The following TMEM238L variants were observed in gnomAD, a reference collection of about 807,000 sequenced individuals.
TMEM238L encodes the protein transmembrane protein 238-like.
At chr17:10,798,721 G>T (rs1904637331) in intron 1 of TMEM238L, among the ~76,000 whole-genome samples, 1 of 151,872 alleles carries the variant, frequency 6.6e-6, no homozygotes, top group Non-Finnish European at 1.5e-5. Flanking sequence ...TGAGTGTGTG[G>T]GGGGCGTGTT....
rs75539051 is a variant in TMEM238L, at chr17:10,800,654, G to C, written c.*118+2952C>G. ...AACAAATATTAATCCACCTAATCTG[G>C]GCAACATCTTTATGACGTAGTGGCT... is the stretch of plus-strand genomic sequence containing the variant. On this transcript the variant is annotated intron_variant, in intron 1 of 1. Coordinates refer to ENST00000581851, the Ensembl canonical transcript of TMEM238L. Among the ~76,000 whole-genome samples, 1,026 of 152,162 alleles carry C rather than the reference G, an allele frequency of 6.7e-3. 15 individuals are homozygous for C. Among genetic ancestry groups the C allele is most frequent in the African/African-American group, 0.023 (969 of 41,508 alleles).
chr17:10,802,592 CA>C (rs1904779551), intron 1 of TMEM238L: 1 of 152,680 alleles, frequency 6.5e-6, no homozygotes, highest in South Asian at 2.1e-4. Context: ...TAATCCCCCA[CA>C]AAAGACACAA....
chr17:10,801,418 G>C (rs1198142824), intron 1 of TMEM238L, among the ~76,000 whole-genome samples: 1 of 152,120 alleles, frequency 6.6e-6, no homozygotes, highest in Non-Finnish European at 1.5e-5. Flanking sequence ...TCTGGCCTCT[G>C]TCTACCACAG....
chr17:10,796,081 C>T (rs1904531799), intron 1 of TMEM238L, 133 bp from the exon 2 acceptor site: 1 of 152,222 alleles, frequency 6.6e-6, no homozygotes, highest in African/African-American at 2.4e-5. Flanking sequence ...GCAGCCTCTC[C>T]ATGGCACTGT....
chr17:10,803,418 G>A (rs1904806695), intron 1 of TMEM238L, among the ~76,000 whole-genome samples, 188 bp downstream of exon 1: 1 of 152,196 alleles, frequency 6.6e-6, no homozygotes, highest in South Asian at 2.1e-4. Context: ...AGGGCCCGGA[G>A]GAGAAAACAC....
intron 1 of TMEM238L, among the ~76,000 whole-genome samples, chr17:10,797,340 C>T (rs556392208): frequency 4.6e-4 from 69 of 151,378 alleles, no homozygotes; most frequent in African/African-American, 1.6e-3. Context: ...TTCTTTTCTC[C>T]TTTCTTCCTC....
At chr17:10,800,480 A>G (rs901689239) in intron 1 of TMEM238L, among the ~76,000 whole-genome samples, 1 of 152,256 alleles carries the variant, frequency 6.6e-6, no homozygotes, top group Admixed American at 6.5e-5. Flanking sequence ...ATTCTGGAGC[A>G]GCATTCAGTC....
intron 1 of TMEM238L, among the ~76,000 whole-genome samples, chr17:10,801,888 C>T (rs1224091464): frequency 1.3e-5 from 2 of 152,162 alleles, no homozygotes; most frequent in East Asian, 3.9e-4. Context: ...CTCCAGCAAT[C>T]CTTCTGCCTC....
At chr17:10,799,198 T>A (rs1048399852) in intron 1 of TMEM238L, among the ~76,000 whole-genome samples, 9 of 152,174 alleles carry the variant, frequency 5.9e-5, no homozygotes, top group African/African-American at 2.2e-4. Context: ...ACTCATTTTT[T>A]AATTTTTTAT....
At chr17:10,798,844 C>A (rs1904641512) in intron 1 of TMEM238L, among the ~76,000 whole-genome samples, 1 of 151,632 alleles carries the variant, frequency 6.6e-6, no homozygotes, top group Admixed American at 6.6e-5. Context: ...TAAAAAAGGA[C>A]AAGAGTCTTC....
At chr17:10,796,764 TC>T (rs1322523678) in intron 1 of TMEM238L, among the ~76,000 whole-genome samples, 2 of 152,188 alleles carry the variant, frequency 1.3e-5, no homozygotes, top group Non-Finnish European at 2.9e-5. Flanking sequence ...ACTGGGAACT[TC>T]CATTTGGGCT....
At chr17:10,802,079 G>C (rs1904763321) in intron 1 of TMEM238L, among the ~76,000 whole-genome samples, 1 of 152,108 alleles carries the variant, frequency 6.6e-6, no homozygotes, top group Non-Finnish European at 1.5e-5. Flanking sequence ...CACTGTGCCT[G>C]GTCCATGTGT....
intron 1 of TMEM238L, chr17:10,797,700 AC>A (rs1207198601): frequency 1.3e-5 from 2 of 151,872 alleles, no homozygotes; most frequent in African/African-American, 4.8e-5. Context: ...TGACAATGCC[AC>A]CCCCGATCTG....
intron 1 of TMEM238L, among the ~76,000 whole-genome samples, chr17:10,802,709 C>G (rs1485404650): frequency 6.6e-6 from 1 of 152,144 alleles, no homozygotes; most frequent in Non-Finnish European, 1.5e-5. Context: ...TTGGGCCCAC[C>G]TGGGGAGGAG....
chr17:10,803,449 T>C (rs772276687), intron 1 of TMEM238L, among the ~76,000 whole-genome samples, 157 bp downstream of exon 1: 2 of 152,164 alleles, frequency 1.3e-5, no homozygotes, highest in Non-Finnish European at 2.9e-5. Context: ...TCCTCTTGGC[T>C]GGCCACCCCA....
At position 10,801,081 on chromosome 17, in the gene TMEM238L, C is replaced by T. The variant is rs557815553; in HGVS notation, c.*118+2525G>A. Among the ~76,000 whole-genome samples the T allele has an allele frequency of 4.7e-5, 7 of 149,678 alleles. No individual in the cohort carries two copies. The South Asian group carries it at 6.3e-4, about 14-fold the overall frequency. Reference sequence around the variant, plus strand: ...TTTTTTTTTTTTTGAGACGGAGTCTCGCTCTGTCACCCAGGCTGGAGTGCA... The same window carrying T: ...TTTTTTTTTTTTTGAGACGGAGTCTTGCTCTGTCACCCAGGCTGGAGTGCA... On this transcript the variant is annotated intron_variant, in intron 1 of 1. Coordinates refer to ENST00000581851, the Ensembl canonical transcript of TMEM238L.
intron 1 of TMEM238L, among the ~76,000 whole-genome samples, chr17:10,796,153 T>G (rs925358411): frequency 6.6e-6 from 1 of 152,202 alleles, no homozygotes; most frequent in Non-Finnish European, 1.5e-5. Flanking sequence ...AAATGGAAAT[T>G]TGAATCCCGC....
intron 1 of TMEM238L, among the ~76,000 whole-genome samples, chr17:10,797,027 C>CT (rs1201015074): frequency 2.0e-5 from 3 of 152,162 alleles, no homozygotes; most frequent in African/African-American, 7.2e-5. Context: ...CAATAAAACA[C>CT]TATCTACAAG....
chr17:10,802,289 A>G (rs1406736904), intron 1 of TMEM238L: 2 of 152,210 alleles, frequency 1.3e-5, no homozygotes, highest in Non-Finnish European at 2.9e-5. Flanking sequence ...TGTGTTTTGT[A>G]TGCTTGACAT....
Sources: allele counts gnomAD v4.1 joint callset (sites outside exome capture counted in the v4.1 genomes callset), GRCh38; gene constraint gnomAD v4.1.1; transcripts MANE v1.5; gene names NCBI Gene and HGNC (gene_info 2026-07-23, HGNC 2026-07-21).